The following CCDC170 variants were observed in gnomAD, a reference collection of about 807,000 sequenced individuals.
The protein encoded by CCDC170 is coiled-coil domain-containing protein 170.
In CCDC170, 69 loss-of-function variants were observed where a neutral mutation model predicts 72.6. That is an observed-to-expected ratio of 0.95 (90% CI 0.78 to 1.16). The LOEUF (loss-of-function observed/expected upper bound fraction) is 1.16, where lower values mean the gene tolerates loss of function less well. Among genes scored for constraint, CCDC170 ranks in the 50% most tolerant of loss-of-function variants. CCDC170 has a pLI of 0.00. For missense variants in CCDC170, 852 were observed against 832.5 expected (o/e 1.02, Z -0.29); for synonymous variants, 300 against 303.9 (o/e 0.99, Z 0.13).
chr6:151,500,504 T>TA (rs141948307), intron 1 of CCDC170, among the ~76,000 whole-genome samples: 2,183 of 151,956 alleles, frequency 0.014, 53 homozygotes, highest in African/African-American at 0.05. Flanking sequence ...CATATTGCAT[T>TA]AAAAAAATCT....
At chr6:151,497,703 C>T (rs569660456) in intron 1 of CCDC170, among the ~76,000 whole-genome samples, 65 of 151,912 alleles carry the variant, frequency 4.3e-4, no homozygotes, top group Admixed American at 1.8e-3. Context: ...GTGCTGGGTG[C>T]GGTGGCTCAT....
chr6:151,512,751 T>A (rs1451415840), intron 1 of CCDC170, among the ~76,000 whole-genome samples: 1 of 118,260 alleles, frequency 8.5e-6, no homozygotes, highest in East Asian at 2.0e-4. Context: ...AAGGGTTGAG[T>A]GCAATAATGT....
chr6:151,566,760 GA>G (rs1309408732), intron 5 of CCDC170, among the ~76,000 whole-genome samples: 2 of 151,986 alleles, frequency 1.3e-5, no homozygotes, highest in Non-Finnish European at 2.9e-5. Context: ...GTTTTATTAT[GA>G]CTAAAATTCC....
At chr6:151,596,301 A>G (rs780625276) in intron 8 of CCDC170, 34 bp from the exon 9 acceptor site, 197 of 1,560,958 alleles carry the variant, frequency 1.3e-4, no homozygotes, top group Non-Finnish European at 1.5e-4. Flanking sequence ...TTGTTCAATT[A>G]TTAAAAAAAA....
chr6:151,497,471 C>A (rs565078063), intron 1 of CCDC170, among the ~76,000 whole-genome samples: 24 of 152,268 alleles, frequency 1.6e-4, no homozygotes, highest in African/African-American at 5.8e-4. Context: ...AAATTTAATG[C>A]TGCACTCTTC....
Position 151,548,357 on chromosome 6 carries a change from T to C in CCDC170, c.642T>C (p.Leu214=). The C allele has an allele frequency of 1.2e-6, 2 of 1,609,638 alleles. No individual in the cohort carries two copies. The highest frequency in any genetic ancestry group is 1.1e-5 in the South Asian group (1 of 90,420). The change falls in exon 5 of 11, where the codon CTT becomes CTC. Residue 214 remains leucine, a synonymous_variant. Transcript: ENST00000239374. ...TCGTGAAAGGACAAATTGTTATTCT[T>C]GAAGAGACTATAAATGTCCATGAGA... ...NEFVKGQIVI[L]EETINVHEME...
rs553137094 is a variant in CCDC170, at chr6:151,501,120, C to A, written c.57+6935C>A. On this transcript the variant is annotated intron_variant, in intron 1 of 10. Transcript: ENST00000239374. ...AATTAGATGAGTAATTAAATGTTTC[C>A]CCTTGTTTTAAATTAAAATGCTTTA... is the stretch of plus-strand genomic sequence containing the variant. Among the ~76,000 whole-genome samples the A allele has an allele frequency of 2.6e-5, 4 of 152,010 alleles. No homozygotes were observed. The South Asian group carries it at 8.3e-4, about 32-fold the overall frequency.
chr6:151,591,660 A>G (rs961792580), intron 7 of CCDC170, among the ~76,000 whole-genome samples: 3 of 151,890 alleles, frequency 2.0e-5, no homozygotes, highest in African/African-American at 7.3e-5. Context: ...ACGCCCAGCT[A>G]ATTTTTTTGT....
chr6:151,497,307 G>A (rs368524078), intron 1 of CCDC170, among the ~76,000 whole-genome samples: 2 of 152,176 alleles, frequency 1.3e-5, no homozygotes, highest in East Asian at 3.8e-4. Context: ...CTTGAGCCCA[G>A]GAAGTTGAGG....
intron 1 of CCDC170, among the ~76,000 whole-genome samples, chr6:151,494,543 G>C (rs962849016): frequency 2.0e-5 from 3 of 152,186 alleles, no homozygotes; most frequent in African/African-American, 7.2e-5. Context: ...AGTGTGCTTC[G>C]GAGCAATTTC....
intron 7 of CCDC170, among the ~76,000 whole-genome samples, chr6:151,592,597 A>G: frequency 6.6e-6 from 1 of 152,160 alleles, no homozygotes; most frequent in East Asian, 1.9e-4. Flanking sequence ...ACTCACTACC[A>G]TGAGAACAGT....
At chr6:151,593,500 G>A (rs1396381406) in intron 8 of CCDC170, among the ~76,000 whole-genome samples, 1 of 152,156 alleles carries the variant, frequency 6.6e-6, no homozygotes, top group African/African-American at 2.4e-5. Flanking sequence ...TACCCACAAT[G>A]GCAGTGACTT....
chr6:151,571,017 G>A (rs1487359463), intron 5 of CCDC170, among the ~76,000 whole-genome samples: 1 of 152,136 alleles, frequency 6.6e-6, no homozygotes, highest in Non-Finnish European at 1.5e-5. Flanking sequence ...TCTACTCTGT[G>A]ACTTTTCTTT....
chr6:151,590,011 C>G (rs1776510728), intron 7 of CCDC170, among the ~76,000 whole-genome samples: 1 of 152,102 alleles, frequency 6.6e-6, no homozygotes, highest in Admixed American at 6.5e-5. Context: ...CTACATTGCC[C>G]ACTGCTATTT....
intron 1 of CCDC170, among the ~76,000 whole-genome samples, chr6:151,498,706 T>A (rs1254034455): frequency 1.3e-5 from 2 of 152,204 alleles, no homozygotes; most frequent in African/African-American, 4.8e-5. Flanking sequence ...CAGACTGTAT[T>A]TGACTATTCT....
At chr6:151,533,879 A>G (rs1329285342) in intron 1 of CCDC170, among the ~76,000 whole-genome samples, 1 of 152,156 alleles carries the variant, frequency 6.6e-6, no homozygotes, top group Non-Finnish European at 1.5e-5. Flanking sequence ...GCTATCAGTA[A>G]ATACCACTTG....
intron 6 of CCDC170, among the ~76,000 whole-genome samples, chr6:151,584,186 A>T (rs1583037809): frequency 6.6e-6 from 1 of 152,236 alleles, no homozygotes; most frequent in East Asian, 1.9e-4. Context: ...AAGTAAGTGC[A>T]ATAAAGTGAG....
chr6:151,610,110 T>C (rs1281539227), intron 9 of CCDC170, among the ~76,000 whole-genome samples: 1 of 152,190 alleles, frequency 6.6e-6, no homozygotes, highest in Non-Finnish European at 1.5e-5. Flanking sequence ...AGCAGTGAGA[T>C]AGTTTGTAAG....
At chr6:151,573,861 A>G (rs528199158) in intron 6 of CCDC170, among the ~76,000 whole-genome samples, 60 of 152,338 alleles carry the variant, frequency 3.9e-4, no homozygotes, top group African/African-American at 1.4e-3. Context: ...CTCCCACGAC[A>G]CGTGGGGATG....
Sources: allele counts gnomAD v4.1 joint callset (sites outside exome capture counted in the v4.1 genomes callset), GRCh38; gene constraint gnomAD v4.1.1; transcripts MANE v1.5; gene names NCBI Gene and HGNC (gene_info 2026-07-23, HGNC 2026-07-21).